TM4SF20: variants seen among roughly 807,000 people sequenced by gnomAD.
TM4SF20 encodes the protein transmembrane 4 L6 family member 20.
TM4SF20 carries 13 observed loss-of-function variants against 15.1 expected under a neutral mutation model. The ratio of observed to expected loss-of-function variants is 0.86; its 90% CI spans 0.56 to 1.36. The LOEUF (loss-of-function observed/expected upper bound fraction) is 1.36, where lower values mean the gene tolerates loss of function less well. Ranked by LOEUF, TM4SF20 falls within the 40% of genes most tolerant of loss-of-function variation. The pLI is 0.00. For missense variants in TM4SF20, 282 were observed against 268.4 expected (o/e 1.05, Z -0.35); for synonymous variants, 92 against 96.6 (o/e 0.95, Z 0.28).
In TM4SF20 at chr2:227,363,901, T is replaced by C. The variant is rs769729804; in HGVS notation, c.513A>G (p.Arg171=). The change falls in exon 4 of 4, where the codon AGA becomes AGG. Residue 171 remains arginine, a synonymous_variant. Coordinates refer to ENST00000304568, the MANE Select transcript of TM4SF20 (RefSeq NM_024795.4). ...CAGAATCGAAGTGGAAACTAGATGCTCTCCAGCCACTCGCCATGGTGTCGT... is the reference window on the plus strand; with the variant it reads ...CAGAATCGAAGTGGAAACTAGATGCCCTCCAGCCACTCGCCATGGTGTCGT... ...TSNDTMASGW[R]ASSFHFDSEE... 5 of 1,614,104 alleles carry C rather than the reference T, an allele frequency of 3.1e-6. No homozygotes were observed. In the South Asian group the frequency reaches 3.3e-5, roughly 11 times the overall value.
intron 1 of TM4SF20, among the ~76,000 whole-genome samples, chr2:227,377,982 T>TA (rs906444666): frequency 7.4e-5 from 11 of 147,914 alleles, no homozygotes; most frequent in African/African-American, 1.5e-4. Flanking sequence ...ACTGAAAACT[T>TA]AAAAAAAAAA....
intron 2 of TM4SF20, among the ~76,000 whole-genome samples, chr2:227,370,070 T>A (rs1262935923): frequency 6.6e-6 from 1 of 152,136 alleles, no homozygotes; most frequent in African/African-American, 2.4e-5. Context: ...CTCCGGTTAA[T>A]GAATCTTAAT....
upstream of TM4SF20, chr2:227,379,502 T>C (rs931434570): frequency 6.8e-6 from 3 of 438,182 alleles, no homozygotes; most frequent in Non-Finnish European, 1.2e-5. Flanking sequence ...ATCTATGAGA[T>C]AAATTTATGT....
intron 2 of TM4SF20, among the ~76,000 whole-genome samples, chr2:227,368,097 C>T (rs1387086340): frequency 7.0e-6 from 1 of 143,628 alleles, no homozygotes; most frequent in African/African-American, 2.6e-5. Flanking sequence ...GATCTCGGCT[C>T]ACTGCAAGCT....
chr2:227,364,096 G>A, intron 3 of TM4SF20, 84 bp from the exon 4 acceptor site: 1 of 1,318,934 alleles, frequency 7.6e-7, no homozygotes, highest in South Asian at 1.5e-5. Flanking sequence ...AAGAATGAGT[G>A]AAACGAATGT....
intron 2 of TM4SF20, among the ~76,000 whole-genome samples, chr2:227,368,335 T>TTATG (rs2076403534): frequency 8.1e-6 from 1 of 122,726 alleles, no homozygotes; most frequent in Non-Finnish European, 1.7e-5. Context: ...CATCTATTAT[T>TTATG]TATATATATA....
In TM4SF20 at chr2:227,363,598, T is replaced by G. The variant is rs747500763; in HGVS notation, c.*126A>C. 2.2e-4 allele frequency: 196 copies of G among 890,032 alleles called. No homozygotes were observed. The highest frequency in any genetic ancestry group is 3.0e-4 in the Non-Finnish European group (179 of 589,844). The allele number at this position is 890,032 out of a possible 1,614,324, so 55.1% of individuals were successfully genotyped here. A position where few individuals can be genotyped will look rare whatever the true frequency, so the allele number is the denominator to read the frequency against. On this transcript the variant is annotated 3_prime_UTR_variant, in exon 4 of 4. Coordinates refer to ENST00000304568, the MANE Select transcript of TM4SF20 (RefSeq NM_024795.4). Reference sequence around the variant, plus strand: ...ATCAACCACTGATATGAGAGTGTTATGCATTTACAACGTGCTTTCTACGTG... The same window carrying G: ...ATCAACCACTGATATGAGAGTGTTAGGCATTTACAACGTGCTTTCTACGTG...
rs1451004749 is a variant in TM4SF20, at chr2:227,363,972, T to C, written c.442A>G (p.Asn148Asp). Residue 148 changes from asparagine to aspartate, a missense_variant, in exon 4 of 4, where the codon AAT (asparagine) becomes GAT (aspartate). Coordinates refer to ENST00000304568, the MANE Select transcript of TM4SF20 (RefSeq NM_024795.4). The part of the protein sequence containing the change: ...PESFNLQWFF[N>D]DSCAPPTGFN... The stretch of plus-strand genomic sequence containing the variant: ...CCAGTAGGAGGTGCACAAGAGTCAT[T>C]GAAAAACCACTGCAAGTTGAAGGAT... The C allele has an allele frequency of 1.9e-6, 3 of 1,613,106 alleles. No homozygotes were observed. In the East Asian group the frequency reaches 6.7e-5, roughly 36 times the overall value.
upstream of TM4SF20, chr2:227,379,327 C>A: frequency 1.4e-6 from 2 of 1,436,602 alleles, no homozygotes; most frequent in South Asian, 1.3e-5. Flanking sequence ...TACTATGTTG[C>A]CTTTTATCCC....
chr2:227,370,875 T>C, intron 2 of TM4SF20, 40 bp downstream of exon 2: 1 of 1,578,458 alleles, frequency 6.3e-7, no homozygotes. Context: ...CAATAACTGT[T>C]CATGCACTTC....
At chr2:227,371,070 G>T in intron 1 of TM4SF20, 90 bp from the exon 2 acceptor site, 1 of 1,151,280 alleles carries the variant, frequency 8.7e-7, no homozygotes, top group Non-Finnish European at 1.3e-6. Flanking sequence ...ACCACCAGTT[G>T]TGGGAAATCA....
At chr2:227,372,968 G>C (rs553802230) in intron 1 of TM4SF20, among the ~76,000 whole-genome samples, 76 of 152,164 alleles carry the variant, frequency 5.0e-4, no homozygotes, top group Middle Eastern at 3.4e-3. Context: ...TGATCGCCTC[G>C]GCCTCCTAAA....
chr2:227,369,351 T>G (rs1328778679), intron 2 of TM4SF20, among the ~76,000 whole-genome samples: 1 of 152,068 alleles, frequency 6.6e-6, no homozygotes. Context: ...AAAATACTGA[T>G]GCAGAATCTC....
In TM4SF20 at chr2:227,378,311, C is replaced by T. The variant is rs185728564; in HGVS notation, c.183+775G>A. On this transcript the variant is annotated intron_variant, in intron 1 of 3. Coordinates refer to ENST00000304568, the MANE Select transcript of TM4SF20 (RefSeq NM_024795.4). ...TGAGGTATTCTGCCATATTTGAAAGCCGTTTTCCCTATACAAATGCGTCCT... is the reference window on the plus strand; with the variant it reads ...TGAGGTATTCTGCCATATTTGAAAGTCGTTTTCCCTATACAAATGCGTCCT... Among the ~76,000 whole-genome samples the T allele has an allele frequency of 1.6e-3, 246 of 152,280 alleles. 1 individual carries two copies. The highest frequency in any genetic ancestry group is 5.4e-3 in the African/African-American group (226 of 41,552).
upstream of TM4SF20, among the ~76,000 whole-genome samples, chr2:227,380,307 G>A (rs2076473760): frequency 6.6e-6 from 1 of 152,198 alleles, no homozygotes; most frequent in Middle Eastern, 3.2e-3. Flanking sequence ...CCCAGCCTGG[G>A]CGACAGAGGG....
intron 1 of TM4SF20, among the ~76,000 whole-genome samples, chr2:227,371,601 T>A (rs893979745): frequency 6.6e-6 from 1 of 152,178 alleles, no homozygotes; most frequent in Non-Finnish European, 1.5e-5. Context: ...CCAAGAAAAC[T>A]AAAGATGTGA....
At chr2:227,372,660 C>A (rs1473095871) in intron 1 of TM4SF20, among the ~76,000 whole-genome samples, 13 of 149,780 alleles carry the variant, frequency 8.7e-5, no homozygotes, top group Admixed American at 6.0e-4. Flanking sequence ...ACAACAACAA[C>A]AAAAAAAGCT....
chr2:227,373,668 C>A (rs921750925), intron 1 of TM4SF20, among the ~76,000 whole-genome samples: 2 of 151,928 alleles, frequency 1.3e-5, no homozygotes, highest in South Asian at 4.2e-4. Flanking sequence ...CGGTGGCTCA[C>A]GTCTGTAATC....
intron 2 of TM4SF20, among the ~76,000 whole-genome samples, chr2:227,368,312 C>G (rs1035761591): frequency 5.2e-5 from 7 of 134,508 alleles, no homozygotes; most frequent in Non-Finnish European, 9.6e-5. Flanking sequence ...CGTGAGCCAC[C>G]ACGCCTGGCC....
Sources: gnomAD v4.1 joint callset for allele counts (sites outside exome capture counted in the v4.1 genomes callset) on GRCh38, gnomAD v4.1.1 for gene constraint, MANE v1.5 for transcripts, NCBI Gene and HGNC (gene_info 2026-07-23, HGNC 2026-07-21) for gene names.